Variants in PDZRN4 observed in about 807,000 individuals in gnomAD.
The protein encoded by PDZRN4 is PDZ domain containing ring finger 4.
Under a neutral mutation model 99.0 loss-of-function variants are expected in PDZRN4, and 70 were observed. That is an observed-to-expected ratio of 0.71 (90% CI 0.58 to 0.86). The LOEUF is 0.86. Among genes scored for constraint, PDZRN4 ranks in the 40% least tolerant of loss-of-function variants. The probability of loss-of-function intolerance (pLI) is 0.00; values close to 1 mark genes in which losing one functional copy is unlikely to be tolerated. For missense variants in PDZRN4, 1,474 were observed against 1,331.2 expected, an observed-to-expected ratio of 1.11 and a Z score of -1.67; for synonymous variants, 551 against 501.6, an observed-to-expected ratio of 1.10 and a Z score of -1.32.
chr12:41,362,714 G>A (rs1419870426), intron 3 of PDZRN4, among the ~76,000 whole-genome samples: 1 of 152,046 alleles, frequency 6.6e-6, no homozygotes, highest in African/African-American at 2.4e-5. Flanking sequence ...TCTGTCCAGG[G>A]AAGTGATGGG....
At chr12:41,501,143 G>A (rs1327949424) in intron 3 of PDZRN4, among the ~76,000 whole-genome samples, 1 of 152,028 alleles carries the variant, frequency 6.6e-6, no homozygotes, top group Admixed American at 6.6e-5. Context: ...CTTCTTTTAT[G>A]GCGCCTTCTT....
chr12:41,521,122 A>G (rs542281712), intron 5 of PDZRN4, among the ~76,000 whole-genome samples: 1 of 152,268 alleles, frequency 6.6e-6, no homozygotes, highest in Non-Finnish European at 1.5e-5. Context: ...CCAGTCTCTC[A>G]AATATTCTTT....
At chr12:41,309,794 T>G (rs1398481359) in intron 3 of PDZRN4, among the ~76,000 whole-genome samples, 2 of 152,086 alleles carry the variant, frequency 1.3e-5, no homozygotes, top group African/African-American at 4.8e-5. Flanking sequence ...AAAAAATACT[T>G]CACACTAATG....
chr12:41,390,457 T>C (rs1952202390), intron 3 of PDZRN4, among the ~76,000 whole-genome samples: 1 of 145,346 alleles, frequency 6.9e-6, no homozygotes, highest in Admixed American at 7.2e-5. Flanking sequence ...TTCTAAGGGG[T>C]GAGAACAAAC....
chr12:41,319,217 G>A (rs1181712765), intron 3 of PDZRN4, among the ~76,000 whole-genome samples: 1 of 152,054 alleles, frequency 6.6e-6, no homozygotes, highest in Non-Finnish European at 1.5e-5. Flanking sequence ...TTTCACAGAG[G>A]GTTTTTGGAA....
At chr12:41,339,139 A>G (rs1951797431) in intron 3 of PDZRN4, among the ~76,000 whole-genome samples, 2 of 149,304 alleles carry the variant, frequency 1.3e-5, no homozygotes, top group African/African-American at 4.9e-5. Context: ...AAAAAAAAAC[A>G]AAATGGGAGG....
intron 5 of PDZRN4, among the ~76,000 whole-genome samples, chr12:41,510,715 C>T (rs1175023168): frequency 1.3e-5 from 2 of 152,116 alleles, no homozygotes; most frequent in Non-Finnish European, 2.9e-5. Context: ...AAAGTGTTCT[C>T]TTCCACTTTA....
chr12:41,567,723 C>T lies in PDZRN4; in HGVS notation c.1468-60C>T, dbSNP rs1939400276. 4 of 1,008,348 alleles carry T rather than the reference C, an allele frequency of 4.0e-6. 1 individual carries two copies. Among genetic ancestry groups the T allele is most frequent in the African/African-American group, 3.3e-5 (2 of 60,768 alleles). 62.5% of individuals were successfully genotyped at this position (1,008,348 alleles called of 1,614,324 possible). A position where few individuals can be genotyped will look rare whatever the true frequency, so the allele number is the denominator to read the frequency against. ...GTCGGGCACCGGCCATTTAAGTTTACTCTATTTTAACATGAGTTCTCACTA... is the reference window on the plus strand; with the variant it reads ...GTCGGGCACCGGCCATTTAAGTTTATTCTATTTTAACATGAGTTCTCACTA... On this transcript the variant is annotated intron_variant, in intron 8 of 9. Transcript: ENST00000402685.
intron 3 of PDZRN4, among the ~76,000 whole-genome samples, chr12:41,238,153 T>C (rs1220460931): frequency 6.6e-6 from 1 of 152,078 alleles, no homozygotes; most frequent in Non-Finnish European, 1.5e-5. Context: ...CCTTGAGCAG[T>C]GGTTTGTAGT....
At chr12:41,506,935 T>C (rs74555684) in intron 4 of PDZRN4, among the ~76,000 whole-genome samples, 11,077 of 152,108 alleles carry the variant, frequency 0.073, 980 homozygotes, top group African/African-American at 0.19. Context: ...TGGGTAATCA[T>C]ACTTGCTAGC....
intron 3 of PDZRN4, among the ~76,000 whole-genome samples, chr12:41,356,754 G>A (rs367606261): frequency 1.3e-5 from 2 of 151,910 alleles, no homozygotes; most frequent in African/African-American, 4.8e-5. Context: ...GATTTCATCT[G>A]GTAGAGACTT....
At chr12:41,492,624 C>A (rs1197420534) in intron 3 of PDZRN4, among the ~76,000 whole-genome samples, 1 of 152,058 alleles carries the variant, frequency 6.6e-6, no homozygotes, top group African/African-American at 2.4e-5. Context: ...CCAAGTCTAA[C>A]TGTCCTAGCG....
At chr12:41,321,164 G>A (rs896064739) in intron 3 of PDZRN4, among the ~76,000 whole-genome samples, 1 of 152,052 alleles carries the variant, frequency 6.6e-6, no homozygotes, top group African/African-American at 2.4e-5. Context: ...AAAATAAGGT[G>A]TCTGCTGTTT....
intron 3 of PDZRN4, among the ~76,000 whole-genome samples, chr12:41,315,026 G>T (rs562603721): frequency 6.6e-6 from 1 of 152,216 alleles, no homozygotes; most frequent in East Asian, 1.9e-4. Context: ...ATGGTATACA[G>T]TGGTGTACAC....
chr12:41,196,375 C>T (rs113756030), intron 3 of PDZRN4, among the ~76,000 whole-genome samples: 3,650 of 152,066 alleles, frequency 0.024, 105 homozygotes, highest in African/African-American at 0.071. Context: ...TACCAGGGTA[C>T]ATTGATTTTA....
chr12:41,222,679 C>T (rs1566371759), intron 3 of PDZRN4, among the ~76,000 whole-genome samples: 4 of 152,042 alleles, frequency 2.6e-5, no homozygotes, highest in African/African-American at 9.7e-5. Flanking sequence ...TGCACACCAC[C>T]ATGCCCGGCT....
intron 5 of PDZRN4, among the ~76,000 whole-genome samples, chr12:41,521,927 C>T (rs1478616375): frequency 6.6e-6 from 1 of 151,928 alleles, no homozygotes; most frequent in Non-Finnish European, 1.5e-5. Flanking sequence ...TGAGAGAGGC[C>T]TAAGACTCCT....
chr12:41,563,658 A>G lies in PDZRN4; in HGVS notation c.1467+9A>G. The G allele has an allele frequency of 6.3e-7, 1 of 1,584,510 alleles. No homozygotes were observed. The highest frequency in any genetic ancestry group is 1.1e-5 in the South Asian group (1 of 89,638). ...CAAGGCCAGAGATTCAGGTCAGAAC[A>G]GAGATCAAAAGCCTTGAGACTGAAC... is the stretch of plus-strand genomic sequence containing the variant. On this transcript the variant is annotated intron_variant, in intron 8 of 9. Transcript: ENST00000402685.
At chr12:41,501,338 T>A (rs187954233) in intron 3 of PDZRN4, among the ~76,000 whole-genome samples, 15 of 152,248 alleles carry the variant, frequency 9.9e-5, no homozygotes, top group Admixed American at 9.8e-4. Flanking sequence ...GCTGTTTGTT[T>A]TCTGATATCC....
Sources: gnomAD v4.1 joint callset for allele counts (sites outside exome capture counted in the v4.1 genomes callset) on GRCh38, gnomAD v4.1.1 for gene constraint, MANE v1.5 for transcripts, NCBI Gene and HGNC (gene_info 2026-07-23, HGNC 2026-07-21) for gene names.